TTC29: variants seen among roughly 807,000 people sequenced by gnomAD.
The protein encoded by TTC29 is tetratricopeptide repeat protein 29.
In TTC29, 49 loss-of-function variants were observed where a neutral mutation model predicts 58.1. The observed-to-expected ratio is 0.84, with a 90% confidence interval of 0.67 to 1.07. TTC29 has a LOEUF of 1.07. Among genes scored for constraint, TTC29 ranks in the 50% least tolerant of loss-of-function variants. The pLI, the probability that TTC29 is intolerant of heterozygous loss-of-function variation, is 0.00. For missense variants in TTC29, 582 were observed against 555.6 expected, an observed-to-expected ratio of 1.05 and a Z score of -0.48; for synonymous variants, 209 against 196.8, an observed-to-expected ratio of 1.06 and a Z score of -0.52.
At chr4:146,930,098 T>TATACAC (rs1553942361) in intron 4 of TTC29, among the ~76,000 whole-genome samples, 11 of 118,784 alleles carry the variant, frequency 9.3e-5, no homozygotes, top group African/African-American at 4.3e-4. Context: ...TATATATATA[T>TATACAC]ATATATATAT....
chr4:146,905,849 T>TGTTA (rs1299587916), intron 5 of TTC29, among the ~76,000 whole-genome samples: 1 of 152,218 alleles, frequency 6.6e-6, no homozygotes, highest in African/African-American at 2.4e-5. Flanking sequence ...TTAACCTCAA[T>TGTTA]GTTAGTTCAC....
At chr4:146,939,665 C>T in intron 3 of TTC29, 139 bp downstream of exon 3, 1 of 723,104 alleles carries the variant, frequency 1.4e-6, no homozygotes. Flanking sequence ...TTTGAAACAG[C>T]AGATTTCAAT....
At chr4:146,942,301 GCTTTA>G (rs1736477771) in intron 2 of TTC29, among the ~76,000 whole-genome samples, 1 of 152,162 alleles carries the variant, frequency 6.6e-6, no homozygotes, top group Admixed American at 6.5e-5. Context: ...AAGGGTCTAT[GCTTTA>G]AAGTGCACAA....
chr4:146,843,914 T>A (rs1227620513), intron 8 of TTC29, among the ~76,000 whole-genome samples: 1 of 152,172 alleles, frequency 6.6e-6, no homozygotes, highest in Non-Finnish European at 1.5e-5. Flanking sequence ...GAACGCTTTT[T>A]TAAAATGTCC....
intron 11 of TTC29, among the ~76,000 whole-genome samples, chr4:146,797,546 T>A (rs1053056269): frequency 9.2e-5 from 14 of 151,998 alleles, no homozygotes; most frequent in African/African-American, 3.1e-4. Flanking sequence ...TATTTTTTTT[T>A]ATTTCAGTAC....
chr4:146,884,924 A>G (rs1330141008), intron 6 of TTC29, among the ~76,000 whole-genome samples: 1 of 152,122 alleles, frequency 6.6e-6, no homozygotes, highest in Non-Finnish European at 1.5e-5. Flanking sequence ...ATTTTTTAAT[A>G]TGATAGTAAT....
intron 11 of TTC29, among the ~76,000 whole-genome samples, chr4:146,778,452 G>A (rs1449190846): frequency 1.3e-5 from 2 of 152,014 alleles, no homozygotes; most frequent in Admixed American, 1.3e-4. Flanking sequence ...ACTGTGCATA[G>A]AGAACATGGT....
chr4:146,821,010 C>A (rs1751779256), intron 9 of TTC29, among the ~76,000 whole-genome samples: 2 of 151,178 alleles, frequency 1.3e-5, no homozygotes, highest in Non-Finnish European at 2.9e-5. Context: ...CAGAGCAAGA[C>A]TCCTGTCTCA....
At chr4:146,892,331 C>A (rs536971707) in intron 6 of TTC29, among the ~76,000 whole-genome samples, 1 of 152,142 alleles carries the variant, frequency 6.6e-6, no homozygotes, top group Non-Finnish European at 1.5e-5. Flanking sequence ...GTCAATTGAA[C>A]CTCTTTTCTT....
intron 8 of TTC29, among the ~76,000 whole-genome samples, chr4:146,835,791 C>T (rs1348545223): frequency 3.3e-5 from 5 of 152,074 alleles, no homozygotes; most frequent in South Asian, 2.1e-4. Flanking sequence ...ATCAGAGGTG[C>T]CCAGTTTTAT....
intron 11 of TTC29, among the ~76,000 whole-genome samples, chr4:146,777,450 A>G (rs1394547122): frequency 6.6e-6 from 1 of 152,014 alleles, no homozygotes; most frequent in African/African-American, 2.4e-5. Flanking sequence ...TTCTGGACAC[A>G]TTTATTAGAC....
At chr4:146,835,501 A>T (rs1217269911) in intron 8 of TTC29, among the ~76,000 whole-genome samples, 7 of 152,160 alleles carry the variant, frequency 4.6e-5, no homozygotes, top group African/African-American at 1.7e-4. Flanking sequence ...GTAAAGATTG[A>T]ATATAATTAT....
chr4:146,941,856 T>G (rs1383122571), intron 2 of TTC29, among the ~76,000 whole-genome samples: 2 of 152,192 alleles, frequency 1.3e-5, no homozygotes, highest in Admixed American at 1.3e-4. Flanking sequence ...GCCCAAAACC[T>G]CCTGTGAAAT....
intron 4 of TTC29, among the ~76,000 whole-genome samples, chr4:146,911,488 G>A (rs2150287505): frequency 6.6e-6 from 1 of 152,294 alleles, no homozygotes; most frequent in South Asian, 2.1e-4. Flanking sequence ...CACATGTAAA[G>A]GACTTCATAA....
chr4:146,804,675 G>A (rs538682564), intron 10 of TTC29, among the ~76,000 whole-genome samples: 140 of 152,278 alleles, frequency 9.2e-4, no homozygotes, highest in African/African-American at 3.1e-3. Context: ...TAGCCAGACC[G>A]CCTCTCTAGA....
At chr4:146,785,830 T>A (rs1280857879) in intron 11 of TTC29, among the ~76,000 whole-genome samples, 2 of 151,408 alleles carry the variant, frequency 1.3e-5, no homozygotes, top group African/African-American at 4.9e-5. Flanking sequence ...AGTTTTGATA[T>A]TATCTGCATT....
chr4:146,728,815 GTGTATATATACA>G (rs1354525218), intron 11 of TTC29, among the ~76,000 whole-genome samples: 2 of 47,728 alleles, frequency 4.2e-5, no homozygotes, highest in South Asian at 2.4e-3. Flanking sequence ...ACATATATAT[GTGTATATATACA>G]TATATATACA....
chr4:146,931,515 A>C (rs1452154214), intron 4 of TTC29, among the ~76,000 whole-genome samples: 6 of 152,228 alleles, frequency 3.9e-5, no homozygotes, highest in Admixed American at 3.9e-4. Flanking sequence ...ATGCTCTCCA[A>C]ATAGTTGTGG....
chr4:146,721,869 C>T (rs751608742), intron 11 of TTC29, among the ~76,000 whole-genome samples: 2 of 152,082 alleles, frequency 1.3e-5, no homozygotes, highest in African/African-American at 2.4e-5. Flanking sequence ...AGTCATAAAA[C>T]GATCTCTCTT....
Sources: gnomAD v4.1 joint callset for allele counts (sites outside exome capture counted in the v4.1 genomes callset) on GRCh38, gnomAD v4.1.1 for gene constraint, MANE v1.5 for transcripts, NCBI Gene and HGNC (gene_info 2026-07-23, HGNC 2026-07-21) for gene names.